SCCPDH: variants seen among roughly 807,000 people sequenced by gnomAD.
SCCPDH encodes the protein saccharopine dehydrogenase-like oxidoreductase.
A neutral mutation model predicts 51.5 loss-of-function variants in SCCPDH; 34 were observed. The observed-to-expected ratio is 0.66, with a 90% CI of 0.50 to 0.88. The LOEUF is 0.88. Ranked by LOEUF, SCCPDH falls within the 40% of genes least tolerant of loss-of-function variation. The probability of loss-of-function intolerance (pLI) is 0.00; values close to 1 mark genes in which losing one functional copy is unlikely to be tolerated. For synonymous variants in SCCPDH, 187 were observed against 191.3 expected (o/e 0.98, Z 0.19); for missense variants, 464 against 527.1 (o/e 0.88, Z 1.17).
chr1:246,747,062 A>G (rs1049004832), intron 5 of SCCPDH, among the ~76,000 whole-genome samples: 1 of 152,226 alleles, frequency 6.6e-6, no homozygotes, highest in African/African-American at 2.4e-5. Context: ...CTATTGATTC[A>G]TGTAACCAAA....
At chr1:246,733,407 C>CAT (rs576473886) in intron 2 of SCCPDH, among the ~76,000 whole-genome samples, 1 of 150,230 alleles carries the variant, frequency 6.7e-6, no homozygotes, top group South Asian at 2.1e-4. Flanking sequence ...ATATATATGC[C>CAT]ATATATATAT....
chr1:246,750,920 A>G (rs1668842225), intron 5 of SCCPDH, among the ~76,000 whole-genome samples: 2 of 152,114 alleles, frequency 1.3e-5, no homozygotes, highest in African/African-American at 4.8e-5. Context: ...ACTGTCTGTA[A>G]CCCGTTTGGC....
chr1:246,733,962 T>C (rs1028227472), intron 2 of SCCPDH, among the ~76,000 whole-genome samples: 19 of 152,252 alleles, frequency 1.2e-4, no homozygotes, highest in African/African-American at 4.6e-4. Flanking sequence ...ACAGCACAGA[T>C]TTTATTGAAG....
chr1:246,761,984 G>C (rs1188231236), intron 9 of SCCPDH, among the ~76,000 whole-genome samples: 1 of 152,196 alleles, frequency 6.6e-6, no homozygotes, highest in East Asian at 1.9e-4. Flanking sequence ...CTGCAGAGCT[G>C]CTGCACCGTT....
chr1:246,764,090 C>T (rs866286596), intron 9 of SCCPDH, among the ~76,000 whole-genome samples, 156 bp from the exon 10 acceptor site: 1 of 152,142 alleles, frequency 6.6e-6, no homozygotes, highest in African/African-American at 2.4e-5. Context: ...AATTAGTTTT[C>T]GCTCCCTGCT....
chr1:246,732,125 G>A (rs1213864735), intron 2 of SCCPDH, among the ~76,000 whole-genome samples: 3 of 152,000 alleles, frequency 2.0e-5, no homozygotes, highest in African/African-American at 7.2e-5. Context: ...TTTGAAGAGT[G>A]GATATGTTAT....
At chr1:246,733,562 C>A (rs1169569479) in intron 2 of SCCPDH, among the ~76,000 whole-genome samples, 2 of 151,898 alleles carry the variant, frequency 1.3e-5, no homozygotes, top group African/African-American at 4.8e-5. Flanking sequence ...CTGCCTCAGC[C>A]TCCCAAAGTG....
At chr1:246,748,877 C>T (rs1031999427) in intron 5 of SCCPDH, among the ~76,000 whole-genome samples, 4 of 152,176 alleles carry the variant, frequency 2.6e-5, no homozygotes, top group African/African-American at 9.7e-5. Context: ...CAGCAATAGT[C>T]CCCCGCAATA....
chr1:246,726,569 G>C (rs967735056), intron 1 of SCCPDH, among the ~76,000 whole-genome samples: 63 of 152,234 alleles, frequency 4.1e-4, no homozygotes, highest in Non-Finnish European at 8.4e-4. Flanking sequence ...GAGGAAGTCT[G>C]GATAGTTATC....
intron 2 of SCCPDH, among the ~76,000 whole-genome samples, chr1:246,732,105 G>A (rs559020087): frequency 1.9e-4 from 29 of 151,242 alleles, no homozygotes; most frequent in African/African-American, 6.5e-4. Context: ...TCTTAATCCA[G>A]TCTATCAGAT....
intron 5 of SCCPDH, among the ~76,000 whole-genome samples, chr1:246,747,263 G>T (rs1373137626): frequency 6.6e-6 from 1 of 152,156 alleles, no homozygotes; most frequent in Non-Finnish European, 1.5e-5. Flanking sequence ...ATGATTTCTT[G>T]GGAAGAGCTA....
At chr1:246,745,483 A>G (rs911898220) in intron 5 of SCCPDH, among the ~76,000 whole-genome samples, 3 of 152,214 alleles carry the variant, frequency 2.0e-5, no homozygotes, top group African/African-American at 7.2e-5. Context: ...AAGAGATCAG[A>G]TGAAATACTG....
At chr1:246,765,661 C>G (rs2102991950) in intron 10 of SCCPDH, among the ~76,000 whole-genome samples, 1 of 152,082 alleles carries the variant, frequency 6.6e-6, no homozygotes. Flanking sequence ...AACAAAAAAC[C>G]TAGGATCATT....
At chr1:246,756,341 G>A (rs1668932398) in intron 5 of SCCPDH, among the ~76,000 whole-genome samples, 1 of 152,184 alleles carries the variant, frequency 6.6e-6, no homozygotes, top group Admixed American at 6.5e-5. Context: ...CTTGATTACT[G>A]TAAAGGCAGG....
Position 246,726,983 on chromosome 1 carries a change from T to G in SCCPDH, c.282T>G (p.Val94=). The G allele has an allele frequency of 6.2e-7, 1 of 1,612,782 alleles. No individual in the cohort carries two copies. Among genetic ancestry groups the G allele is most frequent in the Non-Finnish European group, 8.5e-7 (1 of 1,178,684 alleles). Residue 94 remains valine, a synonymous_variant, in exon 2 of 12, where the codon GTT becomes GTG. Coordinates refer to ENST00000366510, the MANE Select transcript of SCCPDH (RefSeq NM_016002.3). The part of the protein sequence containing the change: ...SLDEMAKQAT[V]VLNCVGPYRF... ...ATGAAATGGCTAAACAGGCAACAGT[T>G]GTCCTCAATTGCGTAGGACCAGTAA...
Position 246,767,452 on chromosome 1 carries a change from A to G in SCCPDH, c.*152A>G, listed in dbSNP as rs115415466. ...ATATTAAAAAGTAGGAAATTGTCCT[A>G]GCTTACCCTAAATTTCAAATCTGAG... On this transcript the variant is annotated 3_prime_UTR_variant, in exon 12 of 12. Coordinates refer to ENST00000366510, the MANE Select transcript of SCCPDH (RefSeq NM_016002.3). 4.9e-3 allele frequency: 2,115 copies of G among 430,380 alleles called. 26 individuals carry two copies. The highest frequency in any genetic ancestry group is 0.038 in the African/African-American group (1,876 of 49,090). 26.7% of individuals were successfully genotyped at this position (430,380 alleles called of 1,614,324 possible). A position where few individuals can be genotyped will look rare whatever the true frequency, so the allele number is the denominator to read the frequency against.
intron 4 of SCCPDH, among the ~76,000 whole-genome samples, chr1:246,740,679 A>C (rs907587215): frequency 6.6e-6 from 1 of 152,250 alleles, no homozygotes; most frequent in African/African-American, 2.4e-5. Context: ...AAAGCTAGAA[A>C]GTATTGAACA....
At chr1:246,748,249 C>T (rs1311034598) in intron 5 of SCCPDH, among the ~76,000 whole-genome samples, 1 of 152,092 alleles carries the variant, frequency 6.6e-6, no homozygotes, top group African/African-American at 2.4e-5. Context: ...ATGAGTACAC[C>T]TGTTACAGCT....
intron 5 of SCCPDH, among the ~76,000 whole-genome samples, chr1:246,752,227 T>C (rs953562860): frequency 2.0e-5 from 3 of 152,226 alleles, no homozygotes; most frequent in African/African-American, 4.8e-5. Flanking sequence ...AACTTTACTT[T>C]TGTTGAAAAC....
Sources: gnomAD v4.1 joint callset for allele counts (sites outside exome capture counted in the v4.1 genomes callset) on GRCh38, gnomAD v4.1.1 for gene constraint, MANE v1.5 for transcripts, NCBI Gene and HGNC (gene_info 2026-07-23, HGNC 2026-07-21) for gene names.